The following DAPL1 variants were observed in gnomAD, a reference collection of about 807,000 sequenced individuals.
DAPL1 encodes the protein death-associated protein-like 1.
Under a neutral mutation model 12.9 loss-of-function variants are expected in DAPL1, and 17 were observed. That is an observed-to-expected ratio of 1.32 (90% CI 0.90 to 1.98). The LOEUF (loss-of-function observed/expected upper bound fraction) is 1.98, where lower values mean the gene tolerates loss of function less well. Ranked by LOEUF, DAPL1 falls within the 30% of genes most tolerant of loss-of-function variation. The pLI, the probability that DAPL1 is intolerant of heterozygous loss-of-function variation, is 0.00. For missense variants in DAPL1, 157 were observed against 125.7 expected (o/e 1.25, Z -1.19); for synonymous variants, 51 against 42.0 (o/e 1.21, Z -0.82).
At chr2:158,808,876 G>A (rs1426040903) in intron 3 of DAPL1, among the ~76,000 whole-genome samples, 1 of 152,200 alleles carries the variant, frequency 6.6e-6, no homozygotes, top group Admixed American at 6.5e-5. Flanking sequence ...TGGTCATGCT[G>A]TGTATTAGGT....
At chr2:158,803,638 C>G (rs2059181272) in intron 1 of DAPL1, among the ~76,000 whole-genome samples, 1 of 152,194 alleles carries the variant, frequency 6.6e-6, no homozygotes, top group African/African-American at 2.4e-5. Flanking sequence ...CATCTGTAGC[C>G]TAATTAACAC....
chr2:158,810,004 G>C (rs1430752302), intron 3 of DAPL1, among the ~76,000 whole-genome samples: 11 of 152,174 alleles, frequency 7.2e-5, no homozygotes, highest in African/African-American at 2.7e-4. Flanking sequence ...CAAATGACCA[G>C]AGGAAATTTG....
intron 3 of DAPL1, among the ~76,000 whole-genome samples, chr2:158,809,363 A>AAAAAAAAAAAAAG (rs2059218392): frequency 6.6e-6 from 1 of 151,172 alleles, no homozygotes; most frequent in South Asian, 2.1e-4. Context: ...ATCTCAAAAA[A>AAAAAAAAAAAAAG]AAAAAGAAAT....
At chr2:158,813,883 C>T (rs539423086) in intron 3 of DAPL1, among the ~76,000 whole-genome samples, 114 of 152,220 alleles carry the variant, frequency 7.5e-4, no homozygotes, top group African/African-American at 2.7e-3. Context: ...CCTACCTCCA[C>T]CCATCATCTC....
chr2:158,815,522 C>G (rs1368577490), intron 3 of DAPL1, among the ~76,000 whole-genome samples, 183 bp from the exon 4 acceptor site: 1 of 151,794 alleles, frequency 6.6e-6, no homozygotes, highest in Non-Finnish European at 1.5e-5. Flanking sequence ...GAGAGAAGAC[C>G]CAGGTTAAAA....
intron 1 of DAPL1, among the ~76,000 whole-genome samples, chr2:158,803,413 C>T (rs985294734): frequency 3.9e-5 from 6 of 152,198 alleles, no homozygotes; most frequent in Non-Finnish European, 7.3e-5. Flanking sequence ...TTTAGAAAAT[C>T]GCCAATCTGG....
intron 3 of DAPL1, among the ~76,000 whole-genome samples, chr2:158,812,878 A>G (rs867443830): frequency 7.2e-5 from 11 of 151,960 alleles, no homozygotes; most frequent in African/African-American, 2.4e-4. Context: ...ATCTTCCCAT[A>G]TATTGGAAGA....
At chr2:158,811,253 T>TAAAAG (rs2059228672) in intron 3 of DAPL1, among the ~76,000 whole-genome samples, 1 of 152,212 alleles carries the variant, frequency 6.6e-6, no homozygotes. Flanking sequence ...TCGCAAATTT[T>TAAAAG]AAAAGGCTTC....
At chr2:158,814,574 AG>A in intron 3 of DAPL1, among the ~76,000 whole-genome samples, 1 of 152,388 alleles carries the variant, frequency 6.6e-6, no homozygotes, top group African/African-American at 2.4e-5. Context: ...AAAACCAAGA[AG>A]AAAGGACTTT....
intron 3 of DAPL1, among the ~76,000 whole-genome samples, chr2:158,814,456 C>G (rs1318549191): frequency 6.6e-6 from 1 of 152,150 alleles, no homozygotes; most frequent in African/African-American, 2.4e-5. Flanking sequence ...AAATTTAGTA[C>G]TGATAAATAA....
chr2:158,798,039 TATGA>T (rs1417843776), intron 1 of DAPL1, among the ~76,000 whole-genome samples: 1 of 152,188 alleles, frequency 6.6e-6, no homozygotes, highest in Non-Finnish European at 1.5e-5. Flanking sequence ...AACCCCATTA[TATGA>T]ACAGCAGCAC....
chr2:158,806,961 A>G (rs1201940155), intron 2 of DAPL1, 94 bp from the exon 3 acceptor site: 1 of 917,172 alleles, frequency 1.1e-6, no homozygotes, highest in Non-Finnish European at 1.7e-6. Context: ...GTGAAAGCAT[A>G]AAAGGCTGGA....
chr2:158,804,344 A>G lies in DAPL1; in HGVS notation c.121A>G (p.Lys41Glu). The part of the protein sequence containing the change: ...QEIGTLERHT[K>E]KTGFEKTSAI... ...AATTGGCACCTTGGAAAGACATACC[A>G]AAAAAACAGGATTCGAGAAAACAAG... The change falls in exon 2 of 4, where the codon AAA (lysine) becomes GAA (glutamate). Residue 41 changes from lysine (K) to glutamate (E), a missense_variant. Lys to Glu is a moderately conservative substitution (Grantham distance 56). Coordinates refer to ENST00000309950, the MANE Select transcript of DAPL1 (RefSeq NM_001017920.3). The G allele has an allele frequency of 6.2e-7, 1 of 1,609,930 alleles. No homozygotes were observed. Among genetic ancestry groups the G allele is most frequent in the Non-Finnish European group, 8.5e-7 (1 of 1,177,528 alleles).
At chr2:158,795,464 G>T (rs756022240) in intron 1 of DAPL1, 34 bp downstream of exon 1, 7 of 1,547,668 alleles carry the variant, frequency 4.5e-6, no homozygotes, top group Non-Finnish European at 3.5e-6. Context: ...CCTGCAGGCT[G>T]TTGCTGCTCC....
chr2:158,811,980 C>G (rs2059233322), intron 3 of DAPL1, among the ~76,000 whole-genome samples: 1 of 152,126 alleles, frequency 6.6e-6, no homozygotes, highest in South Asian at 2.1e-4. Flanking sequence ...AGGAGCTGAC[C>G]ATTTTACCGA....
At chr2:158,796,871 T>G (rs993559885) in intron 1 of DAPL1, among the ~76,000 whole-genome samples, 1 of 152,204 alleles carries the variant, frequency 6.6e-6, no homozygotes, top group Non-Finnish European at 1.5e-5. Flanking sequence ...TGACAATTAA[T>G]TATTATGAAC....
chr2:158,812,791 G>A (rs2090300), intron 3 of DAPL1, among the ~76,000 whole-genome samples: 113,807 of 143,278 alleles, frequency 0.79, 44,613 homozygotes, highest in East Asian at 0.84. Flanking sequence ...CAAAACCTCA[G>A]CTCAAAAAAA....
Position 158,804,024 on chromosome 2 carries a change from T to C in DAPL1, c.59-258T>C, listed in dbSNP as rs147994278. Among the ~76,000 whole-genome samples the C allele has an allele frequency of 8.8e-4, 134 of 152,316 alleles. 1 individual carries two copies. The highest frequency in any genetic ancestry group is 3.0e-3 in the African/African-American group (125 of 41,572). ...GTATGTTGTTATTCTCCTCCCCAAA[T>C]CTAAGGTGTAACCTCTGCTTTTTCA... On this transcript the variant is annotated intron_variant, in intron 1 of 3. Coordinates refer to ENST00000309950, the MANE Select transcript of DAPL1 (RefSeq NM_001017920.3).
intron 1 of DAPL1, among the ~76,000 whole-genome samples, chr2:158,801,188 T>C (rs2059165544): frequency 6.6e-6 from 1 of 152,186 alleles, no homozygotes; most frequent in African/African-American, 2.4e-5. Flanking sequence ...CTATAGTTGG[T>C]AATAATAATT....
Sources: allele counts gnomAD v4.1 joint callset (sites outside exome capture counted in the v4.1 genomes callset), GRCh38; gene constraint gnomAD v4.1.1; transcripts MANE v1.5; gene names NCBI Gene and HGNC (gene_info 2026-07-23, HGNC 2026-07-21).